Variants in AP4M1 observed in about 807,000 individuals in gnomAD.
The protein encoded by AP4M1 is AP-4 complex subunit mu-1.
Under a neutral mutation model 62.4 loss-of-function variants are expected in AP4M1, and 58 were observed. The ratio of observed to expected loss-of-function variants is 0.93; its 90% CI spans 0.75 to 1.16. AP4M1 has a LOEUF of 1.16. Ranked by LOEUF, AP4M1 falls within the 50% of genes most tolerant of loss-of-function variation. AP4M1 has a pLI of 0.00. For synonymous variants in AP4M1, 290 were observed against 239.7 expected (o/e 1.21, Z -1.94); for missense variants, 626 against 585.4 (o/e 1.07, Z -0.72).
At chr7:100,102,804 C>T (rs369938542) in intron 3 of AP4M1, 23 bp downstream of exon 3, 4 of 1,613,116 alleles carry the variant, frequency 2.5e-6, no homozygotes, top group Non-Finnish European at 2.5e-6. Flanking sequence ...GGGCTGGGCA[C>T]CTGGTAGCTA....
chr7:100,101,420 G>C, upstream of AP4M1: 10 of 1,330,702 alleles, frequency 7.5e-6, 1 homozygote, highest in African/African-American at 1.4e-5. Context: ...CGCCCCCCAC[G>C]TGACCGGCGC....
Position 100,106,488 on chromosome 7 carries a change from G to A in AP4M1, c.1111G>A (p.Gly371Ser). The A allele has an allele frequency of 6.2e-7, 1 of 1,613,744 alleles. No homozygotes were observed. Among genetic ancestry groups the A allele is most frequent in the Non-Finnish European group, 8.5e-7 (1 of 1,180,020 alleles). ...LRWDLPRVQG[G>S]SQLSGLFQMD... ...CTGGGACCTGCCTCGGGTGCAAGGA[G>A]GCTCTCAACTCTCAGGCCTTTTCCA... The change falls in exon 14 of 15, where the codon GGC (glycine) becomes AGC (serine). Residue 371 changes from glycine to serine, a missense_variant. By Grantham distance (56) the Gly-to-Ser change is moderately conservative (BLOSUM62 0). Transcript: ENST00000359593.
chr7:100,107,854 C>A lies in AP4M1; in HGVS notation c.*972C>A. 1 of 1,526,944 alleles carries A rather than the reference C, an allele frequency of 6.5e-7. No individual in the cohort carries two copies. The highest frequency in any genetic ancestry group is 1.3e-5 in the South Asian group (1 of 78,664). 94.6% of individuals were successfully genotyped at this position (1,526,944 alleles called of 1,614,324 possible). A position where few individuals can be genotyped will look rare whatever the true frequency, so the allele number is the denominator to read the frequency against. ...GGCCCAGAGGGGACTGTGCTCTACT[C>A]CTGGGCCTCCCCAGGGTGCTCTGAG... On this transcript the variant is annotated 3_prime_UTR_variant, in exon 15 of 15. Coordinates refer to ENST00000359593, the MANE Select transcript of AP4M1 (RefSeq NM_004722.4).
chr7:100,101,621 A>C, upstream of AP4M1: 1 of 1,320,534 alleles, frequency 7.6e-7, no homozygotes, highest in Non-Finnish European at 1.1e-6. Context: ...AATCGCTCTT[A>C]AAGGGCCAGC....
At position 100,105,552 on chromosome 7, in the gene AP4M1, C is replaced by T; in HGVS notation, c.929+13C>T. On this transcript the variant is annotated intron_variant, in intron 11 of 14. Coordinates refer to ENST00000359593, the MANE Select transcript of AP4M1 (RefSeq NM_004722.4). ...GAGGCTCAGGCCGGTGAGACAATTT[C>T]CTGGGTTCTAGAACTACCTTGGAAC... The T allele has an allele frequency of 6.2e-7, 1 of 1,609,274 alleles. No homozygotes were observed. The highest frequency in any genetic ancestry group is 8.5e-7 in the Non-Finnish European group (1 of 1,177,846).
chr7:100,102,535 C>T, intron 2 of AP4M1, 140 bp from the exon 3 acceptor site: 4 of 742,556 alleles, frequency 5.4e-6, no homozygotes, highest in Non-Finnish European at 9.4e-6. Context: ...AAGCTGGGCC[C>T]AGGCATATGT....
rs1562914338 is a variant in AP4M1 at position 100,106,898 on chromosome 7, G to A, written c.*16G>A. 6.2e-7 allele frequency: 1 copy of A among 1,608,764 alleles called. No individual in the cohort carries two copies. ...TCGGATCTGAGGCTCCCCAAACGAG[G>A]ACACGACGGCCAAGGTGGCAGTTTG... On this transcript the variant is annotated 3_prime_UTR_variant, in exon 15 of 15. Transcript: ENST00000359593.
At chr7:100,103,862 T>G in intron 6 of AP4M1, among the ~76,000 whole-genome samples, 170 bp downstream of exon 6, 1 of 110,106 alleles carries the variant, frequency 9.1e-6, no homozygotes, top group African/African-American at 3.4e-5. Context: ...GCCAACATGG[T>G]GAAAACCTGT....
chr7:100,102,708 C>CA lies in AP4M1; in HGVS notation c.182dup (p.His61GlnfsTer55), dbSNP rs752638122. ...TGGCCGTCATTTCATTCACATCAGA[C>CA]ACAGCGGCCTCTATTTGGTGGTCAC... On this transcript the variant is annotated frameshift_variant, in exon 3 of 15. Coordinates refer to ENST00000359593, the MANE Select transcript of AP4M1 (RefSeq NM_004722.4). LOFTEE classifies it high-confidence loss of function. The CA allele has an allele frequency of 6.2e-7, 1 of 1,614,170 alleles. No individual in the cohort carries two copies. Among genetic ancestry groups the CA allele is most frequent in the South Asian group, 1.1e-5 (1 of 91,084 alleles).
chr7:100,102,954 A>G lies in AP4M1; in HGVS notation c.345A>G (p.Glu115=), dbSNP rs1482663361. Residue 115 remains glutamate, a synonymous_variant, in exon 4 of 15, where the codon GAA becomes GAG. Coordinates refer to ENST00000359593, the MANE Select transcript of AP4M1 (RefSeq NM_004722.4). ...NVALVYELLD[E]VLDYGYVQTT... ...CTCTGGTATACGAACTCCTGGATGA[A>G]GTGCTGGTGAGAATCAACAATCCCC... The G allele has an allele frequency of 1.2e-6, 2 of 1,613,606 alleles. No individual in the cohort carries two copies. Among genetic ancestry groups the G allele is most frequent in the Non-Finnish European group, 1.7e-6 (2 of 1,179,696 alleles).
intron 14 of AP4M1, 62 bp from the exon 15 acceptor site, chr7:100,106,596 T>C: frequency 9.9e-7 from 1 of 1,006,288 alleles, no homozygotes. Context: ...AGCTGCTGCC[T>C]GGTTCCCCCA....
Position 100,102,687 on chromosome 7 carries a change from C to T in AP4M1, c.160C>T (p.Arg54Cys), listed in dbSNP as rs143405011. The change falls in exon 3 of 15, where the codon CGT becomes TGT. Residue 54 changes from arginine to cysteine, a missense_variant. Transcript: ENST00000359593. ...GCCTGTGTCTCAGCATCACCATGGCCGTCATTTCATTCACATCAGACACAG... is the reference window on the plus strand; with the variant it reads ...GCCTGTGTCTCAGCATCACCATGGCTGTCATTTCATTCACATCAGACACAG... Reference protein sequence around the residue: ...ESPVVMHHHGRHFIHIRHSGL... With the variant: ...ESPVVMHHHGCHFIHIRHSGL... 58 of 1,613,938 alleles carry T rather than the reference C, an allele frequency of 3.6e-5. No individual in the cohort carries two copies. The highest frequency in any genetic ancestry group is 8.3e-5 in the Admixed American group (5 of 59,990).
chr7:100,101,614 C>T, upstream of AP4M1: 2 of 1,253,356 alleles, frequency 1.6e-6, no homozygotes, highest in Admixed American at 1.8e-5. Flanking sequence ...GGAGGAGAAT[C>T]GCTCTTAAAG....
rs1796367160 is a variant in AP4M1 at position 100,105,256 on chromosome 7, C to G, written c.744C>G (p.Ile248Met). The G allele has an allele frequency of 5.0e-6, 8 of 1,614,112 alleles. No homozygotes were observed. The highest frequency in any genetic ancestry group is 6.8e-6 in the Non-Finnish European group (8 of 1,180,012). ...KSELRGYGPG[I>M]RVDEVSFHSS... ...TCTTTCCAGGTTATGGGCCAGGAAT[C>G]CGGGTCGATGAAGTCTCGTTTCACA... Residue 248 changes from isoleucine (I) to methionine (M), a missense_variant, in exon 10 of 15, where the codon ATC becomes ATG. Transcript: ENST00000359593.
Position 100,102,071 on chromosome 7 carries a change from T to C in AP4M1, c.147+103T>C, listed in dbSNP as rs1250014278. On this transcript the variant is annotated intron_variant, in intron 2 of 14. Transcript: ENST00000359593. ...TCATTGGTAGATTCCACTTGGGGGG[T>C]GCATTCCGCCAAATAAAGCTAACGT... The C allele has an allele frequency of 3.8e-6, 5 of 1,313,454 alleles. No individual in the cohort carries two copies. In the African/African-American group the frequency reaches 4.4e-5, roughly 11 times the overall value. 81.4% of individuals were successfully genotyped at this position (1,313,454 alleles called of 1,614,324 possible). A position where few individuals can be genotyped will look rare whatever the true frequency, so the allele number is the denominator to read the frequency against.
chr7:100,102,758 C>T lies in AP4M1; in HGVS notation c.231C>T (p.Phe77=). Reference sequence around the variant, plus strand: ...CAACTTCAGAAAACGTTTCTCCCTTCAGCCTCCTAGAACTGCTCTCCAGGT... The same window carrying T: ...CAACTTCAGAAAACGTTTCTCCCTTTAGCCTCCTAGAACTGCTCTCCAGGT... ...VVTTSENVSP[F]SLLELLSRLA... is the part of the protein sequence containing the mutation. Residue 77 remains phenylalanine, a synonymous_variant, in exon 3 of 15, where the codon TTC becomes TTT. Transcript: ENST00000359593. The T allele has an allele frequency of 6.2e-7, 1 of 1,614,122 alleles. No homozygotes were observed. Among genetic ancestry groups the T allele is most frequent in the South Asian group, 1.1e-5 (1 of 91,084 alleles).
Position 100,104,918 on chromosome 7 carries a change from G to A in AP4M1, c.651G>A (p.Lys217=). 1 of 1,614,196 alleles carries A rather than the reference G, an allele frequency of 6.2e-7. No individual in the cohort carries two copies. Among genetic ancestry groups the A allele is most frequent in the Non-Finnish European group, 8.5e-7 (1 of 1,180,042 alleles). Residue 217 remains lysine (K), a synonymous_variant, in exon 8 of 15, where the codon AAG becomes AAA. Coordinates refer to ENST00000359593, the MANE Select transcript of AP4M1 (RefSeq NM_004722.4). Reference sequence around the variant, plus strand: ...ATGTGCAGGGAGAGATTCGGCTCAAGAGCTTCCTTCCTAGCGGCTCTGGTG... The same window carrying A: ...ATGTGCAGGGAGAGATTCGGCTCAAAAGCTTCCTTCCTAGCGGCTCTGGTG... The part of the protein sequence containing the change: ...KVDVQGEIRL[K]SFLPSGSEMR...
intron 9 of AP4M1, 24 bp downstream of exon 9, chr7:100,105,122 C>T (rs772767645): frequency 5.6e-6 from 9 of 1,613,990 alleles, no homozygotes; most frequent in South Asian, 1.1e-5. Flanking sequence ...GGGTCTTTCT[C>T]CCCTTGGAGT....
chr7:100,104,817 AC>A, intron 7 of AP4M1, 56 bp from the exon 8 acceptor site: 1 of 1,598,972 alleles, frequency 6.3e-7, no homozygotes, highest in Admixed American at 1.7e-5. Context: ...ACAGAGCGAG[AC>A]CGTCTCAAAA....
Sources: gnomAD v4.1 joint callset for allele counts (sites outside exome capture counted in the v4.1 genomes callset) on GRCh38, gnomAD v4.1.1 for gene constraint, MANE v1.5 for transcripts, NCBI Gene and HGNC (gene_info 2026-07-23, HGNC 2026-07-21) for gene names.